Variants in NRG3 observed in about 807,000 individuals in gnomAD.
NRG3 encodes the protein neuregulin 3, also known as pro-neuregulin-3, membrane-bound isoform.
NRG3 carries 31 observed loss-of-function variants against 66.9 expected under a neutral mutation model. The ratio of observed to expected loss-of-function variants is 0.46; its 90% confidence interval spans 0.35 to 0.63. The LOEUF (loss-of-function observed/expected upper bound fraction) is 0.63. NRG3 is among the 20% of genes least tolerant of loss of function. The pLI, the probability that NRG3 is intolerant of heterozygous loss-of-function variation, is 0.00. For missense variants in NRG3, 910 were observed against 878.9 expected, an observed-to-expected ratio of 1.04 and a Z score of -0.45; for synonymous variants, 393 against 359.4, an observed-to-expected ratio of 1.09 and a Z score of -1.06.
chr10:82,664,340 C>T (rs550338164), intron 2 of NRG3, among the ~76,000 whole-genome samples: 1 of 152,246 alleles, frequency 6.6e-6, no homozygotes, highest in Non-Finnish European at 1.5e-5. Flanking sequence ...AGTAGATATC[C>T]TGCCAATAAA....
chr10:82,300,443 A>G (rs2080329742), intron 1 of NRG3, among the ~76,000 whole-genome samples: 1 of 152,200 alleles, frequency 6.6e-6, no homozygotes, highest in Non-Finnish European at 1.5e-5. Flanking sequence ...ATATTTTACC[A>G]TGAAGTGAAT....
At chr10:82,643,029 A>G (rs1165295427) in intron 2 of NRG3, among the ~76,000 whole-genome samples, 2 of 152,094 alleles carry the variant, frequency 1.3e-5, no homozygotes, top group East Asian at 1.9e-4. Flanking sequence ...ACCATTTATT[A>G]TACTCTTCTG....
At chr10:82,912,621 A>G (rs183546095) in intron 4 of NRG3, among the ~76,000 whole-genome samples, 1 of 152,240 alleles carries the variant, frequency 6.6e-6, no homozygotes, top group East Asian at 1.9e-4. Flanking sequence ...ATTGCTTTTA[A>G]TTGGTTTAGG....
At chr10:82,463,771 T>C (rs942170115) in intron 2 of NRG3, among the ~76,000 whole-genome samples, 4 of 152,158 alleles carry the variant, frequency 2.6e-5, no homozygotes, top group Non-Finnish European at 5.9e-5. Flanking sequence ...TGTACAAGCT[T>C]GTTTATCTGC....
intron 2 of NRG3, among the ~76,000 whole-genome samples, chr10:82,561,508 C>T (rs1023022287): frequency 1.3e-5 from 2 of 152,084 alleles, no homozygotes; most frequent in Admixed American, 1.3e-4. Context: ...AACAAATTAG[C>T]CGGGCATTGT....
At chr10:81,964,124 G>A (rs1403543385) in intron 1 of NRG3, among the ~76,000 whole-genome samples, 2 of 151,870 alleles carry the variant, frequency 1.3e-5, no homozygotes, top group African/African-American at 2.4e-5. Flanking sequence ...TTTTGTGTAC[G>A]ACCCTCCAGA....
At chr10:81,973,177 C>T (rs942699225) in intron 1 of NRG3, among the ~76,000 whole-genome samples, 4 of 152,112 alleles carry the variant, frequency 2.6e-5, no homozygotes, top group African/African-American at 9.7e-5. Flanking sequence ...TTTTCTGTTC[C>T]TGTGCTAATT....
At chr10:82,240,740 C>G (rs2076971572) in intron 1 of NRG3, among the ~76,000 whole-genome samples, 1 of 152,116 alleles carries the variant, frequency 6.6e-6, no homozygotes, top group South Asian at 2.1e-4. Flanking sequence ...TTAGATCTTT[C>G]TTTATGAATG....
intron 1 of NRG3, among the ~76,000 whole-genome samples, chr10:82,027,332 T>TACCACCAA (rs2062359161): frequency 6.6e-6 from 1 of 152,134 alleles, no homozygotes; most frequent in Non-Finnish European, 1.5e-5. Context: ...CTTTTGGTGG[T>TACCACCAA]AAGTGAAGCC....
At chr10:82,841,238 C>G (rs1183464759) in intron 3 of NRG3, among the ~76,000 whole-genome samples, 1 of 152,100 alleles carries the variant, frequency 6.6e-6, no homozygotes, top group East Asian at 1.9e-4. Context: ...CCCTGCTAAC[C>G]CCTTGATTTA....
intron 1 of NRG3, among the ~76,000 whole-genome samples, chr10:81,957,449 C>T (rs935307509): frequency 1.3e-5 from 2 of 151,884 alleles, no homozygotes; most frequent in Non-Finnish European, 1.5e-5. Flanking sequence ...AGTCAGTGCT[C>T]CCACCCCCAC....
intron 2 of NRG3, among the ~76,000 whole-genome samples, chr10:82,572,639 T>A (rs894940771): frequency 1.3e-5 from 2 of 151,760 alleles, no homozygotes; most frequent in Non-Finnish European, 2.9e-5. Flanking sequence ...TCTTCTTTTA[T>A]TTTTTATTTT....
At chr10:82,571,085 A>G (rs940217780) in intron 2 of NRG3, among the ~76,000 whole-genome samples, 2 of 151,566 alleles carry the variant, frequency 1.3e-5, no homozygotes, top group African/African-American at 4.8e-5. Flanking sequence ...ATAGGTATAT[A>G]TATTTTAGAA....
At chr10:82,291,450 G>A (rs2079742809) in intron 1 of NRG3, among the ~76,000 whole-genome samples, 1 of 152,102 alleles carries the variant, frequency 6.6e-6, no homozygotes, top group African/African-American at 2.4e-5. Context: ...AAAAATCTTA[G>A]CAAGATCTTT....
intron 1 of NRG3, among the ~76,000 whole-genome samples, chr10:82,150,369 C>CACCAGCTTGGACCAGCTTGG (rs59529178): frequency 6.6e-6 from 1 of 151,744 alleles, no homozygotes; most frequent in African/African-American, 2.4e-5. Flanking sequence ...TTGGTGGCTA[C>CACCAGCTTGGACCAGCTTGG]ACCAGCTTGG....
Position 82,022,066 on chromosome 10 carries a change from T to G in NRG3, c.823+145903T>G, listed in dbSNP as rs572544549. 5.9e-5 allele frequency among the ~76,000 whole-genome samples: 9 copies of G among 152,184 alleles called. No homozygotes were observed. The East Asian group carries it at 1.6e-3, about 26-fold the overall frequency. On this transcript the variant is annotated intron_variant, in intron 1 of 8. Coordinates refer to ENST00000372141, the MANE Select transcript of NRG3 (RefSeq NM_001010848.4). Reference sequence around the variant, plus strand: ...CAAATTCTGAATGGGCATCACTGATTCATTTACACATCTGTTAAAATTTTA... The same window carrying G: ...CAAATTCTGAATGGGCATCACTGATGCATTTACACATCTGTTAAAATTTTA...
At chr10:82,868,775 C>T (rs1591780849) in intron 4 of NRG3, among the ~76,000 whole-genome samples, 1 of 152,126 alleles carries the variant, frequency 6.6e-6, no homozygotes, top group South Asian at 2.1e-4. Flanking sequence ...TCATTGCAAC[C>T]TCCGCCTCCC....
In NRG3 at chr10:82,496,681, A is replaced by G. The variant is rs116108398; in HGVS notation, c.953+137813A>G. The stretch of plus-strand genomic sequence containing the variant: ...TGCAGATGTTTACCTTAAATATCAA[A>G]CACCAAATATCAAAGTTTACTAAAC... On this transcript the variant is annotated intron_variant, in intron 2 of 8. Transcript: ENST00000372141. Among the ~76,000 whole-genome samples the G allele has an allele frequency of 9.1e-3, 1,386 of 152,276 alleles. 19 individuals carry two copies. Among genetic ancestry groups the G allele is most frequent in the African/African-American group, 0.032 (1,310 of 41,558 alleles).
intron 1 of NRG3, among the ~76,000 whole-genome samples, chr10:82,047,394 C>T (rs1305630229): frequency 3.3e-5 from 5 of 152,172 alleles, no homozygotes; most frequent in South Asian, 4.2e-4. Context: ...AGACTAACAG[C>T]GGATCTCTAG....
Sources: allele counts gnomAD v4.1 joint callset (sites outside exome capture counted in the v4.1 genomes callset), GRCh38; gene constraint gnomAD v4.1.1; transcripts MANE v1.5; gene names NCBI Gene and HGNC (gene_info 2026-07-23, HGNC 2026-07-21).